Variants in LRRC74A observed in about 807,000 individuals in gnomAD.
LRRC74A encodes leucine-rich repeat-containing protein 74A.
In LRRC74A, 44 loss-of-function variants were observed where a neutral mutation model predicts 57.9. The observed-to-expected ratio is 0.76, with a 90% CI of 0.60 to 0.98. LRRC74A has a LOEUF of 0.98. LRRC74A is among the 50% of genes least tolerant of loss of function. The probability of loss-of-function intolerance (pLI) is 0.00; values close to 1 mark genes in which losing one functional copy is unlikely to be tolerated. For synonymous variants in LRRC74A, 211 were observed against 219.4 expected (o/e 0.96, Z 0.34); for missense variants, 572 against 574.0 (o/e 1.00, Z 0.04).
At chr14:76,828,269 G>A (rs1360022299) in intron 1 of LRRC74A, 22 bp from the exon 2 acceptor site, 1 of 1,572,462 alleles carries the variant, frequency 6.4e-7, no homozygotes, top group East Asian at 2.3e-5. Flanking sequence ...CTGGCATCAA[G>A]GAGATGAGTT....
intron 7 of LRRC74A, 126 bp from the exon 8 acceptor site, chr14:76,852,239 A>T: frequency 1.6e-6 from 1 of 630,664 alleles, no homozygotes; most frequent in Non-Finnish European, 2.7e-6. Context: ...AAAAATTATT[A>T]TCTGAGAATT....
chr14:76,836,714 C>T (rs1896369759), intron 4 of LRRC74A, among the ~76,000 whole-genome samples: 1 of 150,402 alleles, frequency 6.6e-6, no homozygotes. Context: ...TGGCTTGAAC[C>T]CAGCAGGTGG....
intron 10 of LRRC74A, among the ~76,000 whole-genome samples, chr14:76,858,267 G>T (rs1898046211): frequency 6.6e-6 from 1 of 152,152 alleles, no homozygotes; most frequent in Non-Finnish European, 1.5e-5. Flanking sequence ...CTGTGAGAGA[G>T]AATCTGTTCC....
chr14:76,831,400 G>A (rs1377006881), intron 3 of LRRC74A, 25 bp downstream of exon 3: 1 of 1,610,736 alleles, frequency 6.2e-7, no homozygotes, highest in South Asian at 1.1e-5. Context: ...GGGAGCTCAT[G>A]AAACCTGGAG....
At chr14:76,828,182 C>T (rs116923550) in intron 1 of LRRC74A, 109 bp from the exon 2 acceptor site, 83,560 of 1,406,660 alleles carry the variant, frequency 0.059, 2,853 homozygotes, top group Non-Finnish European at 0.07. Context: ...CCTTGAGGAC[C>T]TGGGACTCAG....
chr14:76,828,234 A>T (rs934913224), intron 1 of LRRC74A, 57 bp from the exon 2 acceptor site: 8 of 1,542,820 alleles, frequency 5.2e-6, no homozygotes, highest in Middle Eastern at 2.1e-4. Context: ...GGCAGGCTTT[A>T]TTGGGAGGCC....
chr14:76,851,549 G>A (rs1897488591), intron 7 of LRRC74A, among the ~76,000 whole-genome samples: 1 of 151,558 alleles, frequency 6.6e-6, no homozygotes, highest in Admixed American at 6.6e-5. Flanking sequence ...GTAGAGACGG[G>A]GTTTCATCAT....
chr14:76,852,619 C>CTTTT (rs34074806), intron 8 of LRRC74A, among the ~76,000 whole-genome samples, 169 bp downstream of exon 8: 12 of 130,008 alleles, frequency 9.2e-5, no homozygotes, highest in South Asian at 7.4e-4. Context: ...CCTGGATGCA[C>CTTTT]TTTTTTTTTT....
intron 6 of LRRC74A, 69 bp from the exon 7 acceptor site, chr14:76,844,751 C>T: frequency 1.1e-6 from 1 of 888,330 alleles, no homozygotes. Context: ...TCATACTGCC[C>T]TGAGATAAGT....
At chr14:76,866,522 G>A (rs1898809561) in intron 12 of LRRC74A, among the ~76,000 whole-genome samples, 1 of 152,122 alleles carries the variant, frequency 6.6e-6, no homozygotes, top group Non-Finnish European at 1.5e-5. Flanking sequence ...TACTTGAAGG[G>A]GTCTATCATC....
intron 9 of LRRC74A, among the ~76,000 whole-genome samples, chr14:76,854,574 C>T (rs1254068619): frequency 6.6e-6 from 1 of 152,112 alleles, no homozygotes; most frequent in Non-Finnish European, 1.5e-5. Flanking sequence ...CCACTGCACT[C>T]CAGCCTGGGT....
chr14:76,828,402 C>G lies in LRRC74A; in HGVS notation c.149C>G (p.Thr50Arg). Residue 50 changes from threonine (T) to arginine (R), a missense_variant, in exon 2 of 14, where the codon ACA (threonine) becomes AGA (arginine). Physicochemically the swap from Thr to Arg is moderately conservative, Grantham distance 71 (BLOSUM62 -1). Transcript: ENST00000689127. ...AAACCAGCCCGGGAGAATTCGGAAA[C>G]AGACCTGGAGATTGAAGGCGAGCAT... ...KVKPARENSE[T>R]DLEIEDDEKF... The G allele has an allele frequency of 5.0e-6, 8 of 1,613,988 alleles. No homozygotes were observed. Among genetic ancestry groups the G allele is most frequent in the Non-Finnish European group, 6.8e-6 (8 of 1,179,886 alleles).
At chr14:76,856,967 TTGGATGGATGGATGGATGGATGGA>T (rs150995860) in intron 9 of LRRC74A, among the ~76,000 whole-genome samples, 6 of 123,912 alleles carry the variant, frequency 4.8e-5, no homozygotes, top group Admixed American at 1.6e-4. Flanking sequence ...AAGTTGGTGG[TTGGATGGATGGATGGATGGATGGA>T]TGGATGGATG....
At chr14:76,868,176 A>G (rs1319532510) in intron 13 of LRRC74A, among the ~76,000 whole-genome samples, 1 of 152,218 alleles carries the variant, frequency 6.6e-6, no homozygotes, top group Non-Finnish European at 1.5e-5. Context: ...CAAAGAAGCC[A>G]AGTTCACCGG....
At chr14:76,834,556 A>G (rs1203043948) in intron 3 of LRRC74A, among the ~76,000 whole-genome samples, 1 of 152,226 alleles carries the variant, frequency 6.6e-6, no homozygotes, top group Non-Finnish European at 1.5e-5. Flanking sequence ...CCTTGTGTGT[A>G]TCCCTCGACA....
chr14:76,853,317 C>G lies in LRRC74A; in HGVS notation c.864C>G (p.Val288=). ...GEVLRLNRCL[V]YLDIGGNDIG... ...TCCTCCGACTCAACCGCTGCCTGGT[C>G]TACCTGGATATCGGTGGCAATGACA... Residue 288 remains valine (V), a synonymous_variant, in exon 9 of 14, where the codon GTC becomes GTG. Transcript: ENST00000689127. 6.2e-7 allele frequency: 1 copy of G among 1,613,296 alleles called. No homozygotes were observed. The highest frequency in any genetic ancestry group is 2.2e-5 in the East Asian group (1 of 44,868).
In LRRC74A at chr14:76,826,473, C is replaced by T; in HGVS notation, c.-225C>T. The T allele has an allele frequency of 6.6e-7, 1 of 1,522,812 alleles. No individual in the cohort carries two copies. Among genetic ancestry groups the T allele is most frequent in the Non-Finnish European group, 8.9e-7 (1 of 1,122,902 alleles). The allele number at this position is 1,522,812 out of a possible 1,614,324, so 94.3% of individuals were successfully genotyped here. On this transcript the variant is annotated 5_prime_UTR_variant, in exon 1 of 14. An upstream open reading frame in the 5' UTR gains an earlier in-frame stop. Transcript: ENST00000689127. ...GAGCTGGAGAAGTAGCTACCTCTCCCAGACAGAGTTGGGGTCAAATTCATG... is the reference window on the plus strand; with the variant it reads ...GAGCTGGAGAAGTAGCTACCTCTCCTAGACAGAGTTGGGGTCAAATTCATG...
intron 8 of LRRC74A, 67 bp downstream of exon 8, chr14:76,852,517 A>G (rs970716955): frequency 2.8e-5 from 34 of 1,226,818 alleles, no homozygotes; most frequent in Non-Finnish European, 3.6e-5. Flanking sequence ...CCATCCTGCC[A>G]TCCTAAGCCT....
chr14:76,844,086 C>A (rs1345448687), intron 5 of LRRC74A, among the ~76,000 whole-genome samples: 1 of 152,174 alleles, frequency 6.6e-6, no homozygotes, highest in Admixed American at 6.5e-5. Flanking sequence ...GCAGCCTCGA[C>A]CTCCTGGGTT....
Sources: gnomAD v4.1 joint callset for allele counts (sites outside exome capture counted in the v4.1 genomes callset) on GRCh38, gnomAD v4.1.1 for gene constraint, MANE v1.5 for transcripts, NCBI Gene and HGNC (gene_info 2026-07-23, HGNC 2026-07-21) for gene names.